The following PRDM11 variants were observed in gnomAD, a reference collection of about 807,000 sequenced individuals.
The protein encoded by PRDM11 is PR domain-containing protein 11.
A neutral mutation model predicts 97.8 loss-of-function variants in PRDM11; 20 were observed. The ratio of observed to expected loss-of-function variants is 0.20; its 90% confidence interval spans 0.14 to 0.30. The LOEUF is 0.30. Ranked by LOEUF, PRDM11 falls within the 10% of genes least tolerant of loss-of-function variation. The pLI is 1.00. For synonymous variants in PRDM11, 599 were observed against 637.7 expected (o/e 0.94, Z 0.91); for missense variants, 1,139 against 1,555.2 (o/e 0.73, Z 4.50).
At chr11:45,109,751 T>C (rs1375507295) in intron 1 of PRDM11, among the ~76,000 whole-genome samples, 1 of 152,164 alleles carries the variant, frequency 6.6e-6, no homozygotes, top group Non-Finnish European at 1.5e-5. Context: ...TATGTAAGTG[T>C]AAGCTGATAA....
exon 1 of PRDM11, chr11:45,095,827 A>G (rs1348033968): frequency 2.6e-6 from 2 of 774,124 alleles, no homozygotes; most frequent in Non-Finnish European, 4.8e-6. Flanking sequence ...GGCAGAGCCA[A>G]TTGCATCCCT....
intron 4 of PRDM11, among the ~76,000 whole-genome samples, chr11:45,185,589 AGAGAT>A (rs1852675196): frequency 6.6e-6 from 1 of 152,148 alleles, no homozygotes; most frequent in African/African-American, 2.4e-5. Flanking sequence ...AGTGTAGAGT[AGAGAT>A]AAGGCATGAT....
At chr11:45,144,529 G>A (rs945463915), upstream of PRDM11, among the ~76,000 whole-genome samples, 4 of 152,154 alleles carry the variant, frequency 2.6e-5, no homozygotes, top group Admixed American at 2.0e-4. Flanking sequence ...CAACTTGCCA[G>A]CTCATTCTCT....
intron 1 of PRDM11, among the ~76,000 whole-genome samples, chr11:45,168,511 T>G (rs1852124369): frequency 6.6e-6 from 1 of 152,098 alleles, no homozygotes; most frequent in Non-Finnish European, 1.5e-5. Context: ...TCCCTCTGCC[T>G]CCTCCGGTGG....
At chr11:45,124,446 T>G (rs1274973760) in intron 1 of PRDM11, among the ~76,000 whole-genome samples, 2 of 152,086 alleles carry the variant, frequency 1.3e-5, no homozygotes, top group Non-Finnish European at 2.9e-5. Flanking sequence ...TGCTTCCAGT[T>G]TTTGCCCATT....
chr11:45,140,706 T>C (rs1442828886), intron 1 of PRDM11, among the ~76,000 whole-genome samples: 1 of 151,926 alleles, frequency 6.6e-6, no homozygotes, highest in African/African-American at 2.4e-5. Flanking sequence ...CCAATCTGCA[T>C]GAAGGTCTCT....
rs1194394278 is a variant in PRDM11 at position 45,219,955 on chromosome 11, G to A, written c.742+198G>A. Among the ~76,000 whole-genome samples the A allele has an allele frequency of 6.6e-6, 1 of 152,202 alleles. No homozygotes were observed. Among genetic ancestry groups the A allele is most frequent in the African/African-American group, 2.4e-5 (1 of 41,462 alleles). Reference sequence around the variant, plus strand: ...CACCCCAGCATGTTATCGACCCCTAGAAATGGTCTCAGAAATCCTTACCAC... The same window carrying A: ...CACCCCAGCATGTTATCGACCCCTAAAAATGGTCTCAGAAATCCTTACCAC... On this transcript the variant is annotated intron_variant, in intron 6 of 7. Transcript: ENST00000683152. This position sits in a 1 kb window ranked among gnomAD's most constrained non-coding sequence, Gnocchi z 4.2.
At position 45,224,858 on chromosome 11, in the gene PRDM11, A is replaced by T. The variant is rs900732279; in HGVS notation, c.1369+15A>T. ...GGACCCTGCAGGTAAGTTGGTTTGG[A>T]TGAGATTATTGTCGGAGGGCAGAGT... is the stretch of plus-strand genomic sequence containing the variant. On this transcript the variant is annotated intron_variant, in intron 7 of 7. Transcript: ENST00000683152. 2.5e-6 allele frequency: 4 copies of T among 1,612,382 alleles called. No individual in the cohort carries two copies. The African/African-American group carries it at 5.3e-5, about 22-fold the overall frequency.
At chr11:45,214,625 C>G (rs1460765755) in intron 5 of PRDM11, 1 of 152,236 alleles carries the variant, frequency 6.6e-6, no homozygotes, top group Admixed American at 6.5e-5. Context: ...GTCCAACAGC[C>G]TGATGGCTTA....
intron 1 of PRDM11, among the ~76,000 whole-genome samples, chr11:45,168,118 G>T (rs1266608387): frequency 2.0e-5 from 3 of 152,100 alleles, no homozygotes; most frequent in Non-Finnish European, 4.4e-5. Flanking sequence ...GAGATTCTGG[G>T]CAAGATTGGG....
intron 5 of PRDM11, among the ~76,000 whole-genome samples, chr11:45,209,475 C>G (rs562596441): frequency 1.3e-5 from 2 of 152,186 alleles, no homozygotes; most frequent in South Asian, 2.1e-4. Context: ...CATTCATTCT[C>G]GAATATTTAC....
chr11:45,154,921 A>T (rs1440910236), intron 1 of PRDM11, among the ~76,000 whole-genome samples: 1 of 152,196 alleles, frequency 6.6e-6, no homozygotes, highest in East Asian at 1.9e-4. Context: ...ATCAGAGCAG[A>T]ATGGGGACCC....
At chr11:45,105,801 A>G (rs1009188031) in intron 1 of PRDM11, among the ~76,000 whole-genome samples, 1 of 152,208 alleles carries the variant, frequency 6.6e-6, no homozygotes, top group African/African-American at 2.4e-5. Flanking sequence ...GGCTCTTCCC[A>G]GAAGCCCTCT....
chr11:45,145,815 G>A (rs1297298218), upstream of PRDM11, among the ~76,000 whole-genome samples: 4 of 152,136 alleles, frequency 2.6e-5, no homozygotes, highest in Admixed American at 2.0e-4. Flanking sequence ...CAGTTTTCCA[G>A]GCGCTCAGGA....
At chr11:45,184,614 C>T (rs1415137656) in intron 4 of PRDM11, among the ~76,000 whole-genome samples, 3 of 152,282 alleles carry the variant, frequency 2.0e-5, no homozygotes, top group East Asian at 3.9e-4. Flanking sequence ...TCTGCAGTCT[C>T]CCAACAGGTT....
intron 1 of PRDM11, among the ~76,000 whole-genome samples, chr11:45,112,315 AAC>A (rs1431141337): frequency 2.0e-5 from 3 of 152,214 alleles, no homozygotes; most frequent in African/African-American, 7.2e-5. Flanking sequence ...GTGTATATAT[AAC>A]ACATTTTCTT....
chr11:45,227,043 G>A lies in PRDM11; in HGVS notation c.2418G>A (p.Arg806=). 6.5e-7 allele frequency: 1 copy of A among 1,533,964 alleles called. No individual in the cohort carries two copies. The highest frequency in any genetic ancestry group is 8.7e-7 in the Non-Finnish European group (1 of 1,146,736). ...CACCGCGCCTCATGTGCGAGCTGCG[G>A]TCCACGGCGGCCACCCTTTGTGAGG... The part of the protein sequence containing the change: ...RYSPRLMCEL[R]STAATLCEET... Residue 806 remains arginine, a synonymous_variant, in exon 8 of 8, where the codon CGG becomes CGA. Coordinates refer to ENST00000683152, the MANE Select transcript of PRDM11 (RefSeq NM_001384648.1). The surrounding 1 kb of genome is among the most constrained non-coding windows in gnomAD (Gnocchi z 8.0).
At chr11:45,112,313 A>G (rs1852199929) in intron 1 of PRDM11, among the ~76,000 whole-genome samples, 1 of 152,232 alleles carries the variant, frequency 6.6e-6, no homozygotes, top group Non-Finnish European at 1.5e-5. Context: ...TGGTGTATAT[A>G]TAACACATTT....
intron 1 of PRDM11, among the ~76,000 whole-genome samples, chr11:45,137,761 T>TAAGC (rs1444909530): frequency 6.6e-6 from 1 of 151,838 alleles, no homozygotes; most frequent in Non-Finnish European, 1.5e-5. Context: ...AGAGAGAAAA[T>TAAGC]AAGCAAGCAA....
Sources: gnomAD v4.1 joint callset for allele counts (sites outside exome capture counted in the v4.1 genomes callset) on GRCh38, gnomAD v4.1.1 for gene constraint, Gnocchi (gnomAD v3.1) non-coding constraint, MANE v1.5 for transcripts, NCBI Gene and HGNC (gene_info 2026-07-23, HGNC 2026-07-21) for gene names.